The following GSE1 variants were observed in gnomAD, a reference collection of about 807,000 sequenced individuals.
GSE1 encodes genetic suppressor element 1.
Under a neutral mutation model 112.6 loss-of-function variants are expected in GSE1, and 32 were observed. That is an observed-to-expected ratio of 0.28 (90% CI 0.21 to 0.38). The LOEUF (loss-of-function observed/expected upper bound fraction) is 0.38, where lower values mean the gene tolerates loss of function less well. Ranked by LOEUF, GSE1 falls within the 10% of genes least tolerant of loss-of-function variation. GSE1 has a pLI of 1.00. For synonymous variants in GSE1, 1,115 were observed against 735.6 expected (o/e 1.52, Z -8.35); for missense variants, 2,348 against 1,699.2 (o/e 1.38, Z -6.71).
At chr16:85,398,506 C>G (rs1054736238) in intron 2 of GSE1, among the ~76,000 whole-genome samples, 1 of 152,122 alleles carries the variant, frequency 6.6e-6, no homozygotes, top group Non-Finnish European at 1.5e-5. Flanking sequence ...ACCCCTGCAA[C>G]CCCCTGAGGC....
intron 1 of GSE1, among the ~76,000 whole-genome samples, chr16:85,204,732 C>T (rs1022412840): frequency 3.3e-5 from 5 of 152,246 alleles, no homozygotes; most frequent in Non-Finnish European, 7.3e-5. Context: ...CTTGGGGACT[C>T]CTGTTTCCCC....
intron 1 of GSE1, 50 bp from the exon 2 acceptor site, chr16:85,633,864 G>A: frequency 6.8e-7 from 1 of 1,463,464 alleles, no homozygotes. Flanking sequence ...CTCTGGTGCT[G>A]GGCGCTCCTG....
chr16:85,400,965 T>C (rs2048100444), intron 2 of GSE1, among the ~76,000 whole-genome samples: 1 of 152,152 alleles, frequency 6.6e-6, no homozygotes, highest in Admixed American at 6.5e-5. Context: ...CATCTGTGTG[T>C]GTGAGAGGAG....
chr16:85,212,045 A>G (rs1346680444), intron 1 of GSE1, among the ~76,000 whole-genome samples: 2 of 152,206 alleles, frequency 1.3e-5, no homozygotes, highest in Non-Finnish European at 2.9e-5. Context: ...TGTGTGTTGC[A>G]GCCCTGACCC....
chr16:85,349,227 G>A (rs1042648032), intron 1 of GSE1, among the ~76,000 whole-genome samples: 5 of 152,066 alleles, frequency 3.3e-5, no homozygotes, highest in Non-Finnish European at 5.9e-5. Context: ...CCCCTGACCC[G>A]AAGCCTTATC....
intron 1 of GSE1, among the ~76,000 whole-genome samples, chr16:85,205,153 AGAGT>A (rs2143593790): frequency 6.6e-6 from 1 of 152,166 alleles, no homozygotes; most frequent in South Asian, 2.1e-4. Context: ...TTTTTGAGAC[AGAGT>A]CTCGCTCTGT....
intron 1 of GSE1, among the ~76,000 whole-genome samples, chr16:85,564,126 C>A (rs2045639268): frequency 6.6e-6 from 1 of 152,170 alleles, no homozygotes; most frequent in African/African-American, 2.4e-5. Flanking sequence ...GAGAGCTGAG[C>A]ACAGATGGAT....
At chr16:85,338,527 G>A (rs750103737) in intron 1 of GSE1, among the ~76,000 whole-genome samples, 10 of 152,234 alleles carry the variant, frequency 6.6e-5, no homozygotes, top group Non-Finnish European at 1.2e-4. Context: ...GGAGGATCAG[G>A]CAAGTAAGAT....
At chr16:85,596,568 A>G (rs558638392) in intron 1 of GSE1, among the ~76,000 whole-genome samples, 1 of 152,250 alleles carries the variant, frequency 6.6e-6, no homozygotes, top group Non-Finnish European at 1.5e-5. Flanking sequence ...TCTGTATTCT[A>G]ACATTATGCT....
intron 2 of GSE1, among the ~76,000 whole-genome samples, chr16:85,386,490 G>A (rs1464085841): frequency 1.3e-5 from 2 of 152,238 alleles, no homozygotes; most frequent in Non-Finnish European, 1.5e-5. Context: ...ATGTCTGGCA[G>A]CTTGGGCACC....
At position 85,170,432 on chromosome 16, in the gene GSE1, C is replaced by T. The variant is rs537918255; in HGVS notation, c.908C>T (p.Thr303Ile). 16 of 985,592 alleles carry T rather than the reference C, an allele frequency of 1.6e-5. No individual in the cohort carries two copies. The African/African-American group carries it at 2.8e-4, about 17-fold the overall frequency. The allele number at this position is 985,592 out of a possible 1,614,324, so 61.1% of individuals were successfully genotyped here. A position where few individuals can be genotyped will look rare whatever the true frequency, so the allele number is the denominator to read the frequency against. ...CCTCCCTCTGGCAGAGCCACTAAGA[C>T]CCTGGAGAGCAGGCCGCTGGGGGAG... The change falls in exon 1 of 3, where the codon ACC (threonine) becomes ATC (isoleucine). Residue 303 changes from threonine to isoleucine, a missense_variant. Physicochemically the swap from Thr to Ile is moderately conservative, Grantham distance 89 (BLOSUM62 -1). Transcript: ENST00000637419.
chr16:85,351,407 C>T (rs1281267474), intron 1 of GSE1, among the ~76,000 whole-genome samples: 1 of 152,102 alleles, frequency 6.6e-6, no homozygotes, highest in African/African-American at 2.4e-5. Context: ...CACAAAAGGC[C>T]ACATATTGGA....
intron 13 of GSE1, 83 bp downstream of exon 13, chr16:85,666,430 G>C (rs138686468): frequency 1.5e-6 from 2 of 1,359,778 alleles, no homozygotes; most frequent in African/African-American, 2.9e-5. Flanking sequence ...CTGCTCAGCC[G>C]TTCAGCCGTG....
intron 1 of GSE1, among the ~76,000 whole-genome samples, chr16:85,615,242 C>A (rs531457637): frequency 6.6e-6 from 1 of 152,070 alleles, no homozygotes; most frequent in Non-Finnish European, 1.5e-5. Context: ...CAGGCTCCGA[C>A]GGCGAAGTGT....
rs143196749 is a variant in GSE1 at position 85,562,284 on chromosome 16, C to T, written c.37+5921C>T. 1.5e-4 allele frequency among the ~76,000 whole-genome samples: 23 copies of T among 152,322 alleles called. 1 individual carries two copies. In the East Asian group the frequency reaches 1.5e-3, roughly 10 times the overall value. ...GGGAGGCCGCCACGGTTCCATCTGT[C>T]GGCTGGGAAAGCCAGGGGCCCTTTT... On this transcript the variant is annotated intron_variant, in intron 1 of 2. Transcript: ENST00000635906.
intron 2 of GSE1, among the ~76,000 whole-genome samples, chr16:85,390,153 CTG>C (rs1266402452): frequency 1.1e-4 from 16 of 152,204 alleles, no homozygotes; most frequent in African/African-American, 3.9e-4. Flanking sequence ...ACAAAGGGAA[CTG>C]TGTATTCTTA....
In GSE1 at chr16:85,352,318, A is replaced by G. The variant is rs190993863; in HGVS notation, c.2284-5145A>G. Among the ~76,000 whole-genome samples, 41 of 152,142 alleles carry G rather than the reference A, an allele frequency of 2.7e-4. No homozygotes were observed. In the East Asian group the frequency reaches 7.0e-3, roughly 26 times the overall value. ...GAACCCTATTAAATTTCCCCCTTTC[A>G]TCCTTCCCCATTAACTAACTAAAGC... On this transcript the variant is annotated intron_variant, in intron 1 of 2. Coordinates refer to the GSE1 transcript ENST00000637419.
chr16:85,535,953 G>A (rs2044312077), intron 2 of GSE1, among the ~76,000 whole-genome samples: 1 of 152,234 alleles, frequency 6.6e-6, no homozygotes, highest in Admixed American at 6.5e-5. Flanking sequence ...TTGAGCACCT[G>A]CCATACACAG....
intron 1 of GSE1, among the ~76,000 whole-genome samples, chr16:85,576,713 T>C (rs2046242346): frequency 6.6e-6 from 1 of 152,202 alleles, no homozygotes; most frequent in Non-Finnish European, 1.5e-5. Context: ...TTCCCAAGTG[T>C]CCAGGAGGGA....
Sources: allele counts gnomAD v4.1 joint callset (sites outside exome capture counted in the v4.1 genomes callset), GRCh38; gene constraint gnomAD v4.1.1; transcripts MANE v1.5; gene names NCBI Gene and HGNC (gene_info 2026-07-23, HGNC 2026-07-21).